The following MTOR variants were observed in gnomAD, a reference collection of about 807,000 sequenced individuals.
The protein encoded by MTOR is serine/threonine-protein kinase mTOR.
Under a neutral mutation model 319.8 loss-of-function variants are expected in MTOR, and 70 were observed. The ratio of observed to expected loss-of-function variants is 0.22; its 90% CI spans 0.18 to 0.27. The LOEUF is 0.27. Ranked by LOEUF, MTOR falls within the 10% of genes least tolerant of loss-of-function variation. The probability of loss-of-function intolerance (pLI) is 1.00; values close to 1 mark genes in which losing one functional copy is unlikely to be tolerated. For missense variants in MTOR, 1,890 were observed against 3,274.4 expected, an observed-to-expected ratio of 0.58 and a Z score of 10.32; for synonymous variants, 1,183 against 1,211.4, an observed-to-expected ratio of 0.98 and a Z score of 0.49.
chr1:11,167,210 G>A (rs538317553), intron 29 of MTOR, among the ~76,000 whole-genome samples: 81 of 151,618 alleles, frequency 5.3e-4, no homozygotes, highest in African/African-American at 9.2e-4. Flanking sequence ...AAACCTGCAC[G>A]TTGTGCACAT....
intron 28 of MTOR, chr1:11,195,480 G>A (rs1208042216): frequency 6.5e-6 from 1 of 154,268 alleles, no homozygotes; most frequent in African/African-American, 2.4e-5. Flanking sequence ...AGGAGTGAAG[G>A]AGGCAGGTGG....
chr1:11,203,331 G>A (rs1425689348), intron 26 of MTOR, among the ~76,000 whole-genome samples: 2 of 152,204 alleles, frequency 1.3e-5, no homozygotes, highest in Non-Finnish European at 2.9e-5. Context: ...TTATATGAAT[G>A]TATCGAAATA....
chr1:11,232,823 C>T (rs1026289279), intron 15 of MTOR: 22 of 502,862 alleles, frequency 4.4e-5, no homozygotes, highest in East Asian at 2.4e-4. Flanking sequence ...TGCAGTGAGC[C>T]AAGATCACAC....
chr1:11,231,178 C>T (rs1049454728), intron 17 of MTOR, 122 bp downstream of exon 17: 1 of 1,584,148 alleles, frequency 6.3e-7, no homozygotes, highest in African/African-American at 1.3e-5. Flanking sequence ...GCTACATGAA[C>T]AAAATTGGAG....
rs1557497140 is a variant in MTOR at position 11,257,169 on chromosome 1, C to T, written c.272-4G>A. 6.2e-7 allele frequency: 1 copy of T among 1,609,920 alleles called. No homozygotes were observed. Among genetic ancestry groups the T allele is most frequent in the East Asian group, 2.2e-5 (1 of 44,818 alleles). On this transcript the variant is annotated splice_polypyrimidine_tract_variant and splice_region_variant and intron_variant, in intron 3 of 57. Coordinates refer to ENST00000361445, the MANE Select transcript of MTOR (RefSeq NM_004958.4). ...CCTTCCACTCCTATGAGGCTAGCTG[C>T]AAAAGAGAGGAAGGCAAAAGGTGAT... is the stretch of plus-strand genomic sequence containing the variant.
intron 47 of MTOR, among the ~76,000 whole-genome samples, chr1:11,123,085 A>G (rs1444839900): frequency 6.6e-6 from 1 of 152,136 alleles, no homozygotes; most frequent in Admixed American, 6.5e-5. Flanking sequence ...ACAAGGGGTC[A>G]GACCCATCCC....
intron 53 of MTOR, 137 bp downstream of exon 53, chr1:11,114,181 A>T (rs1469011871): frequency 2.0e-6 from 2 of 1,007,426 alleles, no homozygotes. Context: ...GTTTTTGCAG[A>T]AAGGGGTCTT....
chr1:11,183,028 G>A (rs1645209150), intron 28 of MTOR, among the ~76,000 whole-genome samples: 1 of 152,134 alleles, frequency 6.6e-6, no homozygotes, highest in South Asian at 2.1e-4. Context: ...AGCTTTATAA[G>A]ATACTGACAG....
At position 11,212,249 on chromosome 1, in the gene MTOR, C is replaced by A. The variant is rs908423798; in HGVS notation, c.3561+63G>T. ...CATCAGACAAAGTCTGAGTGGCTCA[C>A]AGACAAAGTCTTCTTTCCAAATAAG... On this transcript the variant is annotated intron_variant, in intron 23 of 57. Coordinates refer to ENST00000361445, the MANE Select transcript of MTOR (RefSeq NM_004958.4). The surrounding 1 kb of genome is among the most constrained non-coding windows in gnomAD (Gnocchi z 4.1). The A allele has an allele frequency of 3.3e-6, 5 of 1,538,042 alleles. No individual in the cohort carries two copies. The highest frequency in any genetic ancestry group is 1.4e-5 in the African/African-American group (1 of 72,362).
intron 5 of MTOR, among the ~76,000 whole-genome samples, chr1:11,254,683 G>A (rs1344652288): frequency 6.6e-6 from 1 of 152,078 alleles, no homozygotes; most frequent in Non-Finnish European, 1.5e-5. Context: ...GAGAGAAATG[G>A]CACTTTCTAA....
rs1302076030 is a variant in MTOR, at chr1:11,212,091, A to G, written c.3561+221T>C. 1.3e-5 allele frequency among the ~76,000 whole-genome samples: 2 copies of G among 152,200 alleles called. No homozygotes were observed. The highest frequency in any genetic ancestry group is 2.9e-5 in the Non-Finnish European group (2 of 68,028). ...TTCATCAGGATGGAAGCTCTATGAGAGCAAGGACTTTATTCTGTTTACCGT... is the reference window on the plus strand; with the variant it reads ...TTCATCAGGATGGAAGCTCTATGAGGGCAAGGACTTTATTCTGTTTACCGT... On this transcript the variant is annotated intron_variant, in intron 23 of 57. Transcript: ENST00000361445. The surrounding 1 kb of genome is among the most constrained non-coding windows in gnomAD (Gnocchi z 4.1).
chr1:11,152,728 C>G (rs1011096881), intron 30 of MTOR, among the ~76,000 whole-genome samples: 1 of 152,196 alleles, frequency 6.6e-6, no homozygotes, highest in African/African-American at 2.4e-5. Context: ...TTCATGTCAC[C>G]TCTGATGAAC....
Position 11,120,892 on chromosome 1 carries a change from C to T in MTOR, c.6933+354G>A, listed in dbSNP as rs546523018. Among the ~76,000 whole-genome samples the T allele has an allele frequency of 9.8e-4, 149 of 152,240 alleles. 1 individual carries two copies. Among genetic ancestry groups the T allele is most frequent in the South Asian group, 5.2e-3 (25 of 4,824 alleles). ...ATGCAGAAGCTACGGATATGGAGGGCTGACTGTGTATCAAAAACCAAACCA... is the reference window on the plus strand; with the variant it reads ...ATGCAGAAGCTACGGATATGGAGGGTTGACTGTGTATCAAAAACCAAACCA... On this transcript the variant is annotated intron_variant, in intron 49 of 57. Transcript: ENST00000361445.
At chr1:11,203,319 C>T (rs1646040068) in intron 26 of MTOR, among the ~76,000 whole-genome samples, 1 of 152,200 alleles carries the variant, frequency 6.6e-6, no homozygotes, top group Admixed American at 6.5e-5. Context: ...TTTTATTACA[C>T]ATTATATGAA....
At chr1:11,202,838 G>A (rs542862437) in intron 26 of MTOR, among the ~76,000 whole-genome samples, 12 of 152,082 alleles carry the variant, frequency 7.9e-5, no homozygotes, top group African/African-American at 2.7e-4. Flanking sequence ...AGCCCAGGAG[G>A]TTGAGGCTGC....
intron 26 of MTOR, among the ~76,000 whole-genome samples, chr1:11,202,755 A>C (rs531166891): frequency 6.6e-5 from 10 of 152,070 alleles, no homozygotes; most frequent in Non-Finnish European, 1.2e-4. Context: ...CTCTACAAAA[A>C]ATAAAATTAG....
Position 11,139,650 on chromosome 1 carries a change from C to T in MTOR, c.4881G>A (p.Gln1627=). 1 of 1,614,202 alleles carries T rather than the reference C, an allele frequency of 6.2e-7. No homozygotes were observed. The highest frequency in any genetic ancestry group is 1.3e-5 in the African/African-American group (1 of 75,046). Residue 1627 remains glutamine, a synonymous_variant, in exon 35 of 58, where the codon CAG becomes CAA. Transcript: ENST00000361445. ...QIWWERLQGC[Q]RIVEDWQKIL... ...TTTTCTGCCAGTCCTCTACGATACGCTGGCAGCCCTGGAACATTCAGAAGT... is the reference window on the plus strand; with the variant it reads ...TTTTCTGCCAGTCCTCTACGATACGTTGGCAGCCCTGGAACATTCAGAAGT...
intron 29 of MTOR, among the ~76,000 whole-genome samples, chr1:11,157,896 G>C (rs570600623): frequency 3.3e-5 from 5 of 152,148 alleles, no homozygotes; most frequent in Admixed American, 3.3e-4. Flanking sequence ...AAAATTTTTT[G>C]GAAAGTCTTT....
Position 11,150,111 on chromosome 1 carries a change from T to G in MTOR, c.4570+15A>C, listed in dbSNP as rs752880917. On this transcript the variant is annotated intron_variant, in intron 31 of 57. Transcript: ENST00000361445. ...CACCCCATCCTTCACAGGGTGCCTGTGAGGGAAGCTTTACCTAAACCCCAT... is the reference window on the plus strand; with the variant it reads ...CACCCCATCCTTCACAGGGTGCCTGGGAGGGAAGCTTTACCTAAACCCCAT... 2 of 1,612,164 alleles carry G rather than the reference T, an allele frequency of 1.2e-6. No homozygotes were observed. The highest frequency in any genetic ancestry group is 1.7e-6 in the Non-Finnish European group (2 of 1,178,808).
Sources: allele counts gnomAD v4.1 joint callset (sites outside exome capture counted in the v4.1 genomes callset), GRCh38; gene constraint gnomAD v4.1.1; non-coding constraint Gnocchi (gnomAD v3.1); transcripts MANE v1.5; gene names NCBI Gene and HGNC (gene_info 2026-07-23, HGNC 2026-07-21).